Variants in ITGA5 observed in about 807,000 individuals in gnomAD.
The protein encoded by ITGA5 is integrin alpha-5.
ITGA5 carries 55 observed loss-of-function variants against 146.3 expected under a neutral mutation model. The ratio of observed to expected loss-of-function variants is 0.38; its 90% CI spans 0.30 to 0.47. The LOEUF (loss-of-function observed/expected upper bound fraction) is 0.47. Ranked by LOEUF, ITGA5 falls within the 20% of genes least tolerant of loss-of-function variation. The probability of loss-of-function intolerance (pLI) is 0.99; values close to 1 mark genes in which losing one functional copy is unlikely to be tolerated. For synonymous variants in ITGA5, 500 were observed against 531.8 expected (o/e 0.94, Z 0.82); for missense variants, 1,131 against 1,329.0 (o/e 0.85, Z 2.32).
chr12:54,408,823 T>A, intron 5 of ITGA5, 22 bp from the exon 6 acceptor site: 3 of 1,608,410 alleles, frequency 1.9e-6, no homozygotes, highest in Non-Finnish European at 2.5e-6. Context: ...AGGAGGGGAG[T>A]CCAACATCTG....
intron 26 of ITGA5, 33 bp downstream of exon 26, chr12:54,399,831 T>G: frequency 4.3e-6 from 7 of 1,610,638 alleles, no homozygotes; most frequent in Non-Finnish European, 5.9e-6. Context: ...TACTCAACAC[T>G]TTGGTCCACA....
chr12:54,408,559 C>G (rs1238850991), intron 6 of ITGA5, among the ~76,000 whole-genome samples, 197 bp downstream of exon 6: 1 of 152,002 alleles, frequency 6.6e-6, no homozygotes, highest in Non-Finnish European at 1.5e-5. Flanking sequence ...AACCCCTTCT[C>G]TACTAAAATT....
chr12:54,408,455 C>A (rs987988686), intron 6 of ITGA5, among the ~76,000 whole-genome samples: 1 of 151,972 alleles, frequency 6.6e-6, no homozygotes, highest in Non-Finnish European at 1.5e-5. Context: ...AGGCAGGGCG[C>A]GGCGGCTCAT....
At chr12:54,405,547 A>G (rs1348500912) in intron 11 of ITGA5, 117 bp downstream of exon 11, 6 of 1,079,906 alleles carry the variant, frequency 5.6e-6, no homozygotes, top group African/African-American at 4.7e-5. Context: ...TGCAGGTATG[A>G]GCGAGAGTCT....
Position 54,409,107 on chromosome 12 carries a change from C to T in ITGA5, c.583+125G>A. On this transcript the variant is annotated intron_variant, in intron 4 of 29. Coordinates refer to ENST00000293379, the MANE Select transcript of ITGA5 (RefSeq NM_002205.5). The surrounding 1 kb of genome is among the most constrained non-coding windows in gnomAD (Gnocchi z 4.7). ...ATAAAGGCTAACGAACTGGGTTAGC[C>T]TTTATCTTAAGCAACCTAGAACCTC... 6.8e-7 allele frequency: 1 copy of T among 1,472,756 alleles called. No individual in the cohort carries two copies. The highest frequency in any genetic ancestry group is 1.9e-5 in the Admixed American group (1 of 52,302). The allele number at this position is 1,472,756 out of a possible 1,614,324, so 91.2% of individuals were successfully genotyped here.
In ITGA5 at chr12:54,403,277, G is replaced by T; in HGVS notation, c.1824C>A (p.Leu608=). ...RDKLSPIHIA[L]NFSLDPQAPV... is the part of the protein sequence containing the mutation. The stretch of plus-strand genomic sequence containing the variant: ...GGGCTTGGGGGTCCAAGGAGAAGTT[G>T]AGAGCGATGTGAATCGGCGAGAGTT... The change falls in exon 18 of 30, where the codon CTC becomes CTA. Residue 608 remains leucine, a synonymous_variant. Coordinates refer to ENST00000293379, the MANE Select transcript of ITGA5 (RefSeq NM_002205.5). This position sits in a 1 kb window ranked among gnomAD's most constrained non-coding sequence, Gnocchi z 4.9. The T allele has an allele frequency of 6.4e-7, 1 of 1,561,962 alleles. No individual in the cohort carries two copies. Among genetic ancestry groups the T allele is most frequent in the Non-Finnish European group, 8.6e-7 (1 of 1,156,914 alleles).
At position 54,419,205 on chromosome 12, in the gene ITGA5, C is replaced by T. The variant is rs1182655119; in HGVS notation, c.-7G>A. On this transcript the variant is annotated 5_prime_UTR_variant, in exon 1 of 30. Transcript: ENST00000293379. ...CTGGCGTCCGGCTCCCCATAGCGCC[C>T]GCTCTTCCCTGTCCTGGGGCCACCG... is the stretch of plus-strand genomic sequence containing the variant. 1.3e-6 allele frequency: 2 copies of T among 1,554,158 alleles called. No individual in the cohort carries two copies. The highest frequency in any genetic ancestry group is 2.4e-5 in the East Asian group (1 of 41,218).
At chr12:54,415,250 G>A (rs569596049) in intron 1 of ITGA5, among the ~76,000 whole-genome samples, 1 of 152,340 alleles carries the variant, frequency 6.6e-6, no homozygotes, top group African/African-American at 2.4e-5. Flanking sequence ...GAGTCTGAGA[G>A]AAGAAATAAC....
At chr12:54,418,951 C>G (rs1222286915) in intron 1 of ITGA5, 30 bp downstream of exon 1, 1 of 1,609,672 alleles carries the variant, frequency 6.2e-7, no homozygotes, top group Admixed American at 1.7e-5. Context: ...CTCCCCCACC[C>G]CCATCCCGTC....
In ITGA5 at chr12:54,399,910, C is replaced by T. The variant is rs1318717182; in HGVS notation, c.2681G>A (p.Arg894Gln). 9.3e-6 allele frequency: 15 copies of T among 1,614,018 alleles called. No homozygotes were observed. Among genetic ancestry groups the T allele is most frequent in the Admixed American group, 3.3e-5 (2 of 59,996 alleles). ...PEGSLHHQQK[R>Q]EAPSRSSASS... The stretch of plus-strand genomic sequence containing the variant: ...AGCAGAGCTGCGGCTTGGAGCTTCC[C>T]GTTTTTGCTGGTGGTGCAGGGAACC... The change falls in exon 26 of 30, where the codon CGG (arginine) becomes CAG (glutamine). Residue 894 changes from arginine to glutamine, a missense_variant. Coordinates refer to ENST00000293379, the MANE Select transcript of ITGA5 (RefSeq NM_002205.5).
rs747681987 is a variant in ITGA5 at position 54,398,574 on chromosome 12, C to T, written c.2943+23G>A. The T allele has an allele frequency of 7.7e-6, 12 of 1,554,924 alleles. No individual in the cohort carries two copies. The South Asian group carries it at 1.4e-4, about 18-fold the overall frequency. Reference sequence around the variant, plus strand: ...ACTCTGAGCCCTGTATTCCCTCATCCAGTCCTCTGGCCCTAGACTCACCTG... The same window carrying T: ...ACTCTGAGCCCTGTATTCCCTCATCTAGTCCTCTGGCCCTAGACTCACCTG... On this transcript the variant is annotated intron_variant, in intron 28 of 29. Transcript: ENST00000293379.
chr12:54,398,833 CTCTTTTTTTTT>C, intron 27 of ITGA5, 135 bp from the exon 28 acceptor site: 1 of 390,656 alleles, frequency 2.6e-6, no homozygotes, highest in Non-Finnish European at 4.4e-6. Context: ...CTCTCTCTCT[CTCTTTTTTTTT>C]TTTTTTTTTT....
Position 54,409,302 on chromosome 12 carries a change from G to A in ITGA5, c.513C>T (p.Asp171=). ...TGGAGAGGTAGCAGGTGCCCACGGGGTCGCTCAGTGGCTCCTTCTCTGTGC... is the reference window on the plus strand; with the variant it reads ...TGGAGAGGTAGCAGGTGCCCACGGGATCGCTCAGTGGCTCCTTCTCTGTGC... ...SWRTEKEPLS[D]PVGTCYLSTD... Residue 171 remains aspartate (D), a synonymous_variant, in exon 4 of 30, where the codon GAC becomes GAT. Transcript: ENST00000293379. This position sits in a 1 kb window ranked among gnomAD's most constrained non-coding sequence, Gnocchi z 4.7. 3 of 1,613,986 alleles carry A rather than the reference G, an allele frequency of 1.9e-6. No homozygotes were observed. The highest frequency in any genetic ancestry group is 2.2e-5 in the South Asian group (2 of 91,080).
chr12:54,399,184 A>C (rs1389328717), intron 27 of ITGA5, among the ~76,000 whole-genome samples: 3 of 151,998 alleles, frequency 2.0e-5, no homozygotes, highest in African/African-American at 7.3e-5. Context: ...TGAGATAATA[A>C]ATGTGTAACT....
In ITGA5 at chr12:54,403,474, C is replaced by A; in HGVS notation, c.1777-150G>T. On this transcript the variant is annotated intron_variant, in intron 17 of 29. Transcript: ENST00000293379. This position sits in a 1 kb window ranked among gnomAD's most constrained non-coding sequence, Gnocchi z 4.9. ...GAGGCCCTGGCAGCCTGCTTCCCAG[C>A]TCCTCTGACAGAAGGTCTCCCTTTC... is the stretch of plus-strand genomic sequence containing the variant. 1 of 1,269,670 alleles carries A rather than the reference C, an allele frequency of 7.9e-7. No individual in the cohort carries two copies. Among genetic ancestry groups the A allele is most frequent in the Non-Finnish European group, 1.1e-6 (1 of 924,636 alleles). The allele number at this position is 1,269,670 out of a possible 1,614,324, so 78.7% of individuals were successfully genotyped here. A position where few individuals can be genotyped will look rare whatever the true frequency, so the allele number is the denominator to read the frequency against.
At chr12:54,407,749 G>T in intron 8 of ITGA5, 57 bp from the exon 9 acceptor site, 1 of 1,603,924 alleles carries the variant, frequency 6.2e-7, no homozygotes, top group Non-Finnish European at 8.5e-7. Context: ...GCAGATAATG[G>T]TAAGTGGCCA....
rs945805079 is a variant in ITGA5, at chr12:54,409,416, C to T, written c.463-64G>A. Reference sequence around the variant, plus strand: ...CAATAAGGCCCTTCCTCCCTCCCTCCAGGCCCGGCCTTACCCAACCACTGC... The same window carrying T: ...CAATAAGGCCCTTCCTCCCTCCCTCTAGGCCCGGCCTTACCCAACCACTGC... On this transcript the variant is annotated intron_variant, in intron 3 of 29. Coordinates refer to ENST00000293379, the MANE Select transcript of ITGA5 (RefSeq NM_002205.5). The surrounding 1 kb of genome is among the most constrained non-coding windows in gnomAD (Gnocchi z 4.7). 1 of 1,609,462 alleles carries T rather than the reference C, an allele frequency of 6.2e-7. No individual in the cohort carries two copies. The highest frequency in any genetic ancestry group is 1.3e-5 in the African/African-American group (1 of 74,974).
Position 54,395,579 on chromosome 12 carries a change from G to T in ITGA5, c.*714C>A, listed in dbSNP as rs2120446434. Reference sequence around the variant, plus strand: ...GAACTGGGCCTCCAGGATCAGGTCTGGAGCAGGCCCAAATATAGTCCTGGA... The same window carrying T: ...GAACTGGGCCTCCAGGATCAGGTCTTGAGCAGGCCCAAATATAGTCCTGGA... On this transcript the variant is annotated 3_prime_UTR_variant, in exon 30 of 30. Transcript: ENST00000293379. The T allele has an allele frequency of 6.6e-6, 1 of 152,584 alleles. No homozygotes were observed. The highest frequency in any genetic ancestry group is 1.5e-5 in the Non-Finnish European group (1 of 68,046). The allele number at this position is 152,584 out of a possible 1,614,324, so 9.5% of individuals were successfully genotyped here.
Position 54,403,958 on chromosome 12 carries a change from A to G in ITGA5, c.1574T>C (p.Leu525Pro). Reference protein sequence around the residue: ...LEGNPVACINLSFCLNASGKH... With the variant: ...LEGNPVACINPSFCLNASGKH... The stretch of plus-strand genomic sequence containing the variant: ...TCCAGAAGCATTGAGGCAGAAGCTA[A>G]GGTTGATGCTGGAGAGAGACCAAGA... Residue 525 changes from leucine to proline, a missense_variant, in exon 16 of 30, where the codon CTT becomes CCT. Leu to Pro is a moderately conservative substitution (Grantham distance 98, BLOSUM62 -3). This residue lies in a region of ITGA5 where 889 missense variants were observed against 1,021.5 expected (regional missense o/e 0.87). Transcript: ENST00000293379. This position sits in a 1 kb window ranked among gnomAD's most constrained non-coding sequence, Gnocchi z 4.9. The G allele has an allele frequency of 6.2e-7, 1 of 1,614,198 alleles. No individual in the cohort carries two copies. Among genetic ancestry groups the G allele is most frequent in the Non-Finnish European group, 8.5e-7 (1 of 1,180,024 alleles).
Sources: gnomAD v4.1 joint callset for allele counts (sites outside exome capture counted in the v4.1 genomes callset) on GRCh38, gnomAD v4.1.1 for gene constraint, gnomAD v4.1.1 regional missense constraint, Gnocchi (gnomAD v3.1) non-coding constraint, MANE v1.5 for transcripts, NCBI Gene and HGNC (gene_info 2026-07-23, HGNC 2026-07-21) for gene names.